TNPO3: variants seen among roughly 807,000 people sequenced by gnomAD.
TNPO3 encodes the protein transportin 3.
Under a neutral mutation model 122.8 loss-of-function variants are expected in TNPO3, and 65 were observed. That is an observed-to-expected ratio of 0.53 (90% confidence interval 0.43 to 0.65). TNPO3 has a LOEUF of 0.65. Ranked by LOEUF, TNPO3 falls within the 30% of genes least tolerant of loss-of-function variation. The pLI, the probability that TNPO3 is intolerant of heterozygous loss-of-function variation, is 0.00. For synonymous variants in TNPO3, 372 were observed against 411.2 expected, an observed-to-expected ratio of 0.90 and a Z score of 1.15; for missense variants, 850 against 1,136.7, an observed-to-expected ratio of 0.75 and a Z score of 3.63.
intron 4 of TNPO3, among the ~76,000 whole-genome samples, chr7:129,006,664 A>G (rs1490263940): frequency 6.6e-6 from 1 of 152,232 alleles, no homozygotes; most frequent in Non-Finnish European, 1.5e-5. Context: ...GTATTATTAA[A>G]TAAGATCTAA....
chr7:129,038,457 C>G (rs1054898470), intron 1 of TNPO3, among the ~76,000 whole-genome samples: 1 of 152,134 alleles, frequency 6.6e-6, no homozygotes, highest in African/African-American at 2.4e-5. Context: ...AACTACCATT[C>G]GACCCAGCAA....
At chr7:129,018,264 G>GA in intron 1 of TNPO3, 107 bp from the exon 2 acceptor site, 2 of 1,127,008 alleles carry the variant, frequency 1.8e-6, no homozygotes, top group Non-Finnish European at 2.5e-6. Flanking sequence ...TATAAAGAAA[G>GA]AAAAATCTGA....
intron 1 of TNPO3, among the ~76,000 whole-genome samples, chr7:129,036,284 G>A (rs1237766159): frequency 6.6e-6 from 1 of 151,928 alleles, no homozygotes. Flanking sequence ...ACAGGGTCTT[G>A]ACATGGTTGC....
In TNPO3 at chr7:129,050,309, G is replaced by A. The variant is rs566672573; in HGVS notation, c.120+4342C>T. Among the ~76,000 whole-genome samples the A allele has an allele frequency of 5.3e-5, 8 of 150,694 alleles. No homozygotes were observed. In the South Asian group the frequency reaches 8.4e-4, roughly 16 times the overall value. On this transcript the variant is annotated intron_variant, in intron 1 of 22. Transcript: ENST00000265388. ...TGAGGCAGGAGAATGGCGTGAACCC[G>A]GGAGGCGGAGCTTGCAGTGAGCTGA... is the stretch of plus-strand genomic sequence containing the variant.
At chr7:128,989,084 CA>C (rs1223738943) in intron 11 of TNPO3, among the ~76,000 whole-genome samples, 1 of 151,416 alleles carries the variant, frequency 6.6e-6, no homozygotes, top group Non-Finnish European at 1.5e-5. Flanking sequence ...CTCAAAACAA[CA>C]AAAAACAAAA....
chr7:128,999,106 C>T (rs1801651540), intron 7 of TNPO3, among the ~76,000 whole-genome samples: 2 of 152,090 alleles, frequency 1.3e-5, no homozygotes, highest in African/African-American at 2.4e-5. Flanking sequence ...CCACCTCGGC[C>T]TCCCAAGGTG....
chr7:129,056,163 A>G, upstream of TNPO3: 1 of 925,274 alleles, frequency 1.1e-6, no homozygotes, highest in Non-Finnish European at 1.8e-6. Context: ...CACTGCGTAT[A>G]ACGAGTTGGC....
intron 1 of TNPO3, among the ~76,000 whole-genome samples, chr7:129,042,707 A>C (rs1183982365): frequency 6.6e-6 from 1 of 152,176 alleles, no homozygotes; most frequent in Non-Finnish European, 1.5e-5. Context: ...CTAATTAAGA[A>C]AAAAATAAAC....
intron 1 of TNPO3, among the ~76,000 whole-genome samples, chr7:129,021,260 C>T (rs144555140): frequency 2.0e-4 from 30 of 151,390 alleles, no homozygotes; most frequent in South Asian, 4.2e-4. Flanking sequence ...GAGGCTGAGA[C>T]GGCAGAATCA....
At chr7:129,022,464 TAAAA>T (rs962182640) in intron 1 of TNPO3, among the ~76,000 whole-genome samples, 29 of 140,958 alleles carry the variant, frequency 2.1e-4, no homozygotes, top group Admixed American at 6.4e-4. Context: ...CCCCGTTTCT[TAAAA>T]AAAAAAAAGA....
chr7:128,970,314 T>C lies in TNPO3; in HGVS notation c.2432A>G (p.His811Arg), dbSNP rs764906042. ...TTTCCGTAATTCAAAGTCTTCTTCATGCTGTATGTAGGAAAGCAGGAACAT... is the reference window on the plus strand; with the variant it reads ...TTTCCGTAATTCAAAGTCTTCTTCACGCTGTATGTAGGAAAGCAGGAACAT... Reference protein sequence around the residue: ...DLIHTGVANDHEEDFELRKEL... With the variant: ...DLIHTGVANDREEDFELRKEL... Residue 811 changes from histidine (H) to arginine (R), a missense_variant and splice_region_variant, in exon 20 of 23, where the codon CAT (histidine) becomes CGT (arginine). His to Arg is a conservative substitution (Grantham distance 29). Transcript: ENST00000265388. The C allele has an allele frequency of 2.4e-5, 39 of 1,592,450 alleles. No homozygotes were observed. The highest frequency in any genetic ancestry group is 3.3e-5 in the Non-Finnish European group (39 of 1,168,046).
chr7:128,975,205 G>C (rs566424135), intron 17 of TNPO3, among the ~76,000 whole-genome samples: 2 of 152,186 alleles, frequency 1.3e-5, no homozygotes, highest in Non-Finnish European at 2.9e-5. Context: ...ACAGATTTTA[G>C]CTGATAAAAC....
intron 1 of TNPO3, among the ~76,000 whole-genome samples, chr7:129,043,725 T>C (rs757079091): frequency 6.6e-6 from 1 of 152,166 alleles, no homozygotes; most frequent in Non-Finnish European, 1.5e-5. Context: ...CAAATAAATT[T>C]AGATCCATAA....
intron 1 of TNPO3, among the ~76,000 whole-genome samples, chr7:129,038,313 G>A (rs1436816131): frequency 6.6e-6 from 1 of 151,938 alleles, no homozygotes; most frequent in Non-Finnish European, 1.5e-5. Flanking sequence ...ATTTAAAAAT[G>A]GACAAAGCAA....
At chr7:129,041,312 C>T (rs944482953) in intron 1 of TNPO3, among the ~76,000 whole-genome samples, 3 of 152,156 alleles carry the variant, frequency 2.0e-5, no homozygotes, top group Admixed American at 6.5e-5. Flanking sequence ...CAGCGAGCTA[C>T]GATCACACCA....
chr7:129,002,706 C>T (rs1233615600), intron 5 of TNPO3, among the ~76,000 whole-genome samples: 1 of 152,094 alleles, frequency 6.6e-6, no homozygotes, highest in Non-Finnish European at 1.5e-5. Context: ...ATCACAAGGT[C>T]AGGAGATCGA....
chr7:129,008,909 C>T (rs1196824527), intron 4 of TNPO3, among the ~76,000 whole-genome samples: 2 of 152,160 alleles, frequency 1.3e-5, no homozygotes, highest in Non-Finnish European at 2.9e-5. Context: ...TTGACTCAAA[C>T]TGAAAGACCA....
At chr7:128,985,530 AG>A (rs1254252299) in intron 12 of TNPO3, among the ~76,000 whole-genome samples, 1 of 152,216 alleles carries the variant, frequency 6.6e-6, no homozygotes, top group African/African-American at 2.4e-5. Flanking sequence ...TAGGGCTTCA[AG>A]GTTACAGTGA....
intron 15 of TNPO3, among the ~76,000 whole-genome samples, chr7:128,979,333 C>G (rs182151750): frequency 1.3e-5 from 2 of 152,328 alleles, no homozygotes; most frequent in African/African-American, 4.8e-5. Flanking sequence ...CTCTTTAGAA[C>G]TGGAAGAGCA....
Sources: gnomAD v4.1 joint callset for allele counts (sites outside exome capture counted in the v4.1 genomes callset) on GRCh38, gnomAD v4.1.1 for gene constraint, MANE v1.5 for transcripts, NCBI Gene and HGNC (gene_info 2026-07-23, HGNC 2026-07-21) for gene names.